JADE1: variants seen among roughly 807,000 people sequenced by gnomAD.
JADE1 encodes jade family PHD finger 1.
A neutral mutation model predicts 81.8 loss-of-function variants in JADE1; 14 were observed. That is an observed-to-expected ratio of 0.17 (90% CI 0.11 to 0.27). JADE1 has a LOEUF of 0.27. Among genes scored for constraint, JADE1 ranks in the 10% least tolerant of loss-of-function variants. JADE1 has a pLI of 1.00. For synonymous variants in JADE1, 353 were observed against 391.9 expected (o/e 0.90, Z 1.17); for missense variants, 690 against 1,047.9 (o/e 0.66, Z 4.71).
intron 7 of JADE1, 65 bp from the exon 8 acceptor site, chr4:128,857,273 T>G: frequency 8.3e-7 from 1 of 1,199,766 alleles, no homozygotes; most frequent in Non-Finnish European, 1.2e-6. Flanking sequence ...TCTTTTAGTT[T>G]CTGACATTCA....
chr4:128,828,304 A>G (rs974059623), intron 1 of JADE1, among the ~76,000 whole-genome samples: 1 of 152,216 alleles, frequency 6.6e-6, no homozygotes, highest in African/African-American at 2.4e-5. Context: ...GAGTCAGGAA[A>G]GGTGATGATG....
In JADE1 at chr4:128,871,896, C is replaced by T. The variant is rs1388963370; in HGVS notation, c.2163C>T (p.Cys721=). Residue 721 remains cysteine (C), a synonymous_variant, in exon 11 of 11, where the codon TGC becomes TGT. Transcript: ENST00000226319. This position sits in a 1 kb window ranked among gnomAD's most constrained non-coding sequence, Gnocchi z 4.1. ...PGTRKEIVPK[C]NGSLIKVNYN... ...CAAGGAAGGAGATAGTGCCCAAGTG[C>T]AATGGCTCCCTAATCAAAGTAAACT... 14 of 1,613,996 alleles carry T rather than the reference C, an allele frequency of 8.7e-6. No homozygotes were observed. Among genetic ancestry groups the T allele is most frequent in the Non-Finnish European group, 1.1e-5 (13 of 1,180,020 alleles).
chr4:128,835,185 G>A (rs768623328), intron 2 of JADE1, among the ~76,000 whole-genome samples: 8 of 152,318 alleles, frequency 5.3e-5, no homozygotes, highest in Non-Finnish European at 1.0e-4. Context: ...GGTGGTGGAG[G>A]AGAGGAATGA....
chr4:128,828,572 C>T (rs1012483068), intron 1 of JADE1, among the ~76,000 whole-genome samples: 2 of 152,068 alleles, frequency 1.3e-5, no homozygotes, highest in South Asian at 2.1e-4. Flanking sequence ...AGATCTTCAG[C>T]GGATGAAAAT....
intron 9 of JADE1, chr4:128,863,583 G>C: frequency 1.0e-6 from 1 of 985,424 alleles, no homozygotes; most frequent in Non-Finnish European, 1.2e-6. Context: ...ACCAGGTTAG[G>C]ATTCCTGGGA....
chr4:128,848,422 G>A (rs1035179717), intron 4 of JADE1, among the ~76,000 whole-genome samples: 3 of 152,050 alleles, frequency 2.0e-5, no homozygotes, highest in Non-Finnish European at 4.4e-5. Context: ...CAAATGATCC[G>A]CCTGCCTCGG....
intron 1 of JADE1, among the ~76,000 whole-genome samples, chr4:128,827,251 A>G (rs1728160127): frequency 6.6e-6 from 1 of 152,208 alleles, no homozygotes; most frequent in Non-Finnish European, 1.5e-5. Flanking sequence ...AACAAGTGTC[A>G]TGAGGAATTT....
chr4:128,846,637 G>C lies in JADE1; in HGVS notation c.296+105G>C. On this transcript the variant is annotated intron_variant, in intron 4 of 10. Coordinates refer to ENST00000226319, the MANE Select transcript of JADE1 (RefSeq NM_199320.4). The surrounding 1 kb of genome is among the most constrained non-coding windows in gnomAD (Gnocchi z 4.0). The stretch of plus-strand genomic sequence containing the variant: ...ATTTCTGTGGGAAGAGACAGTTTCT[G>C]AGTTAGCATTAAAATATCATGAGGC... 4.0e-6 allele frequency: 5 copies of C among 1,238,906 alleles called. No individual in the cohort carries two copies. Among genetic ancestry groups the C allele is most frequent in the Non-Finnish European group, 5.6e-6 (5 of 891,120 alleles). The allele number at this position is 1,238,906 out of a possible 1,614,324, so 76.7% of individuals were successfully genotyped here. A position where few individuals can be genotyped will look rare whatever the true frequency, so the allele number is the denominator to read the frequency against.
chr4:128,863,744 A>G (rs188256502), intron 9 of JADE1: 38 of 985,336 alleles, frequency 3.9e-5, no homozygotes, highest in Non-Finnish European at 4.5e-5. Context: ...GAGATGAGAA[A>G]AGGATTGAGA....
chr4:128,864,313 A>G (rs1381074083), intron 9 of JADE1: 1 of 539,206 alleles, frequency 1.9e-6, no homozygotes, highest in Non-Finnish European at 2.4e-6. Flanking sequence ...ATGCCTGGCT[A>G]ATTTTTGTAT....
In JADE1 at chr4:128,872,431, G is replaced by A. The variant is rs568084820; in HGVS notation, c.*169G>A. 8.3e-5 allele frequency: 52 copies of A among 628,732 alleles called. No homozygotes were observed. In the South Asian group the frequency reaches 1.2e-3, roughly 14 times the overall value. 38.9% of individuals were successfully genotyped at this position (628,732 alleles called of 1,614,324 possible). A position where few individuals can be genotyped will look rare whatever the true frequency, so the allele number is the denominator to read the frequency against. ...AGTCATTTTTAAATCATTTTTGTGA[G>A]AAGTTTGTGTTATTTGCAACTTGTT... On this transcript the variant is annotated 3_prime_UTR_variant, in exon 11 of 11. Transcript: ENST00000226319.
intron 7 of JADE1, among the ~76,000 whole-genome samples, chr4:128,856,797 C>T (rs757514646): frequency 8.5e-5 from 13 of 152,076 alleles, no homozygotes; most frequent in Non-Finnish European, 1.8e-4. Flanking sequence ...CACTGAGTCT[C>T]GTGGTTTGGT....
chr4:128,861,573 C>A, intron 8 of JADE1, 131 bp from the exon 9 acceptor site: 1 of 1,051,516 alleles, frequency 9.5e-7, no homozygotes, highest in Non-Finnish European at 1.4e-6. Context: ...GTACAACTTT[C>A]CTGTCATGGC....
At chr4:128,853,210 A>G (rs1306269819) in intron 6 of JADE1, among the ~76,000 whole-genome samples, 3 of 152,190 alleles carry the variant, frequency 2.0e-5, no homozygotes, top group Non-Finnish European at 4.4e-5. Flanking sequence ...TACCAGTCGT[A>G]TGGGACTAGA....
chr4:128,817,173 T>C (rs4975266), intron 1 of JADE1, among the ~76,000 whole-genome samples: 83,275 of 151,732 alleles, frequency 0.55, 23,778 homozygotes, highest in South Asian at 0.65. Context: ...TCTATTACTT[T>C]GAAAGCGCTC....
rs1731370941 is a variant in JADE1 at position 128,861,911 on chromosome 4, C to T, written c.1189C>T (p.Leu397=). Residue 397 remains leucine, a synonymous_variant, in exon 9 of 11, where the codon CTG becomes TTG. Coordinates refer to ENST00000226319, the MANE Select transcript of JADE1 (RefSeq NM_199320.4). ...CCCTGAGTGTTCCCCCCGGAATCCG[C>T]TGGAGCCCTTTGCCAGCCTTGAGCA... ...GAPECSPRNP[L]EPFASLEQNR... 1.2e-6 allele frequency: 2 copies of T among 1,614,088 alleles called. No homozygotes were observed. Among genetic ancestry groups the T allele is most frequent in the Non-Finnish European group, 1.7e-6 (2 of 1,179,944 alleles).
intron 9 of JADE1, chr4:128,863,480 G>C (rs1037264449): frequency 3.9e-5 from 38 of 985,384 alleles, no homozygotes; most frequent in Non-Finnish European, 4.6e-5. Context: ...GGCCCTGTTA[G>C]AGATGGCGTA....
chr4:128,840,499 C>G (rs1296994598), intron 2 of JADE1, among the ~76,000 whole-genome samples: 1 of 152,178 alleles, frequency 6.6e-6, no homozygotes, highest in Non-Finnish European at 1.5e-5. Context: ...CTTCCCTTCC[C>G]CAGACCTTCT....
rs774779608 is a variant in JADE1 at position 128,831,781 on chromosome 4, G to C, written c.23G>C (p.Ser8Thr). The C allele has an allele frequency of 1.2e-6, 2 of 1,614,188 alleles. No individual in the cohort carries two copies. Among genetic ancestry groups the C allele is most frequent in the Non-Finnish European group, 8.5e-7 (1 of 1,180,028 alleles). ...ATCATGAAACGAGGTCGCCTTCCCA[G>C]CAGCAGTGAGGATTCTGACGACAAT... is the stretch of plus-strand genomic sequence containing the variant. MKRGRLP[S>T]SSEDSDDNGS... The change falls in exon 2 of 11, where the codon AGC (serine) becomes ACC (threonine). Residue 8 changes from serine to threonine, a missense_variant. Ser to Thr is a moderately conservative substitution (Grantham distance 58). Transcript: ENST00000226319.
Sources: allele counts gnomAD v4.1 joint callset (sites outside exome capture counted in the v4.1 genomes callset), GRCh38; gene constraint gnomAD v4.1.1; non-coding constraint Gnocchi (gnomAD v3.1); transcripts MANE v1.5; gene names NCBI Gene and HGNC (gene_info 2026-07-23, HGNC 2026-07-21).